Variants in HS6ST3 observed in about 807,000 individuals in gnomAD.
HS6ST3 encodes heparan sulfate 6-O-sulfotransferase 3.
HS6ST3 carries 12 observed loss-of-function variants against 36.7 expected under a neutral mutation model. The observed-to-expected ratio is 0.33, with a 90% confidence interval of 0.21 to 0.53. The LOEUF is 0.53. Ranked by LOEUF, HS6ST3 falls within the 20% of genes least tolerant of loss-of-function variation. The pLI, the probability that HS6ST3 is intolerant of heterozygous loss-of-function variation, is 0.95. For missense variants in HS6ST3, 584 were observed against 640.9 expected (o/e 0.91, Z 0.96); for synonymous variants, 240 against 257.5 (o/e 0.93, Z 0.65).
intron 1 of HS6ST3, among the ~76,000 whole-genome samples, chr13:96,613,333 C>G (rs1046240400): frequency 3.3e-5 from 5 of 152,116 alleles, no homozygotes; most frequent in African/African-American, 1.2e-4. Flanking sequence ...AATTGAAGCA[C>G]AGAGAGGTTA....
At chr13:96,377,083 G>A (rs1426358587) in intron 1 of HS6ST3, among the ~76,000 whole-genome samples, 1 of 147,676 alleles carries the variant, frequency 6.8e-6, no homozygotes, top group Admixed American at 6.8e-5. Context: ...TATATAATTA[G>A]GCCGAGTTTG....
At chr13:96,092,062 T>C (rs2053767680) in intron 1 of HS6ST3, among the ~76,000 whole-genome samples, 1 of 152,188 alleles carries the variant, frequency 6.6e-6, no homozygotes, top group South Asian at 2.1e-4. Flanking sequence ...TAAGTGGCTT[T>C]TGGATGGCAG....
At chr13:96,329,537 G>A (rs1226228755) in intron 1 of HS6ST3, among the ~76,000 whole-genome samples, 1 of 146,364 alleles carries the variant, frequency 6.8e-6, no homozygotes. Flanking sequence ...TTGCGCTGTG[G>A]TCTGAGAGAT....
chr13:96,351,335 T>TTTTTTTTTTTTTTTTTTTTTTTTAAAA (rs1203595829), intron 1 of HS6ST3, among the ~76,000 whole-genome samples: 1 of 146,364 alleles, frequency 6.8e-6, no homozygotes, highest in African/African-American at 2.6e-5. Flanking sequence ...TTTTTTTTTT[T>TTTTTTTTTTTTTTTTTTTTTTTTAAAA]AAAAAAAACA....
At chr13:96,453,773 G>A (rs778109048) in intron 1 of HS6ST3, among the ~76,000 whole-genome samples, 8 of 152,188 alleles carry the variant, frequency 5.3e-5, no homozygotes, top group Non-Finnish European at 1.2e-4. Context: ...TCACAGCACT[G>A]CTTAGTACAT....
At chr13:96,562,416 G>A (rs2056265712) in intron 1 of HS6ST3, among the ~76,000 whole-genome samples, 1 of 152,064 alleles carries the variant, frequency 6.6e-6, no homozygotes, top group Non-Finnish European at 1.5e-5. Context: ...TGGGTACTAT[G>A]CTCAGTACCT....
chr13:96,207,007 T>C (rs1482327290), intron 1 of HS6ST3, among the ~76,000 whole-genome samples: 2 of 152,172 alleles, frequency 1.3e-5, no homozygotes, highest in Middle Eastern at 3.4e-3. Flanking sequence ...TAAACTATAA[T>C]GAGAGTGAAC....
intron 1 of HS6ST3, among the ~76,000 whole-genome samples, chr13:96,594,019 C>T (rs142426391): frequency 0.017 from 2,521 of 151,638 alleles, 27 homozygotes; most frequent in Non-Finnish European, 0.024. Context: ...TGCAATGGCG[C>T]GATCTCAGCT....
chr13:96,309,324 T>C (rs1321717626), intron 1 of HS6ST3, among the ~76,000 whole-genome samples: 7 of 152,150 alleles, frequency 4.6e-5, no homozygotes, highest in African/African-American at 1.7e-4. Flanking sequence ...TCTAATTGAA[T>C]GGTGATAATC....
At chr13:96,552,091 G>A (rs910840595) in intron 1 of HS6ST3, among the ~76,000 whole-genome samples, 30 of 152,038 alleles carry the variant, frequency 2.0e-4, no homozygotes, top group African/African-American at 5.8e-4. Context: ...AAAGTTTATT[G>A]CATGCATTAA....
chr13:96,344,214 G>A (rs1156326052), intron 1 of HS6ST3, among the ~76,000 whole-genome samples: 1 of 151,994 alleles, frequency 6.6e-6, no homozygotes, highest in African/African-American at 2.4e-5. Context: ...CCCTATGAAA[G>A]GATCTACTTC....
chr13:96,453,860 T>A (rs2055741865), intron 1 of HS6ST3, among the ~76,000 whole-genome samples: 1 of 152,170 alleles, frequency 6.6e-6, no homozygotes, highest in Non-Finnish European at 1.5e-5. Flanking sequence ...CTGGCAGTAA[T>A]GAAGAGAGTC....
chr13:96,390,245 T>C (rs1335101813), intron 1 of HS6ST3, among the ~76,000 whole-genome samples: 1 of 152,232 alleles, frequency 6.6e-6, no homozygotes, highest in Non-Finnish European at 1.5e-5. Context: ...GCACTCAATC[T>C]ACATATAAGA....
intron 1 of HS6ST3, among the ~76,000 whole-genome samples, chr13:96,201,620 T>C (rs2054342310): frequency 6.6e-6 from 1 of 152,180 alleles, no homozygotes; most frequent in Non-Finnish European, 1.5e-5. Flanking sequence ...GAGTGTAAGC[T>C]TTAAATCTGC....
At chr13:96,351,335 T>TTTTTTTTTTTTTTTTTAAA (rs1203595829) in intron 1 of HS6ST3, among the ~76,000 whole-genome samples, 5 of 146,408 alleles carry the variant, frequency 3.4e-5, no homozygotes, top group African/African-American at 1.3e-4. Context: ...TTTTTTTTTT[T>TTTTTTTTTTTTTTTTTAAA]AAAAAAAACA....
At chr13:96,536,063 C>A (rs1032446451) in intron 1 of HS6ST3, among the ~76,000 whole-genome samples, 18 of 152,204 alleles carry the variant, frequency 1.2e-4, no homozygotes, top group African/African-American at 4.1e-4. Context: ...CACATTTTAA[C>A]TCCCCTGGAA....
chr13:96,216,237 A>G lies in HS6ST3; in HGVS notation c.707+124668A>G, dbSNP rs577947479. On this transcript the variant is annotated intron_variant, in intron 1 of 1. Coordinates refer to ENST00000376705, the MANE Select transcript of HS6ST3 (RefSeq NM_153456.4). ...TCAATCAATGCTGACATTCTAGCCT[A>G]TTTTAATGGTTTGCATTGCATATAC... 7.9e-5 allele frequency among the ~76,000 whole-genome samples: 12 copies of G among 152,348 alleles called. No homozygotes were observed. The South Asian group carries it at 2.5e-3, about 32-fold the overall frequency.
intron 1 of HS6ST3, among the ~76,000 whole-genome samples, chr13:96,620,358 A>G (rs2056489892): frequency 1.3e-5 from 2 of 152,198 alleles, no homozygotes; most frequent in Admixed American, 6.5e-5. Context: ...ACGGTAATCT[A>G]AAAATGAACT....
In HS6ST3 at chr13:96,458,737, G is replaced by T. The variant is rs184239229; in HGVS notation, c.707+367168G>T. 2.0e-5 allele frequency among the ~76,000 whole-genome samples: 3 copies of T among 152,080 alleles called. No individual in the cohort carries two copies. In the East Asian group the frequency reaches 5.8e-4, roughly 29 times the overall value. ...TGCTATATGTTTTCTGAGGGAGCTG[G>T]GACATTATTAAAACCACCTGGGAAC... On this transcript the variant is annotated intron_variant, in intron 1 of 1. Transcript: ENST00000376705.
Sources: gnomAD v4.1 joint callset for allele counts (sites outside exome capture counted in the v4.1 genomes callset) on GRCh38, gnomAD v4.1.1 for gene constraint, MANE v1.5 for transcripts, NCBI Gene and HGNC (gene_info 2026-07-23, HGNC 2026-07-21) for gene names.